The following L2HGDH variants were observed in gnomAD, a reference collection of about 807,000 sequenced individuals.
L2HGDH encodes the protein L-2-hydroxyglutarate dehydrogenase.
L2HGDH carries 34 observed loss-of-function variants against 51.5 expected under a neutral mutation model. The observed-to-expected ratio is 0.66, with a 90% CI of 0.50 to 0.88. The LOEUF is 0.88. Ranked by LOEUF, L2HGDH falls within the 40% of genes least tolerant of loss-of-function variation. The pLI, the probability that L2HGDH is intolerant of heterozygous loss-of-function variation, is 0.00. For missense variants in L2HGDH, 558 were observed against 571.9 expected (o/e 0.98, Z 0.25); for synonymous variants, 198 against 197.9 (o/e 1.00, Z -0.01).
chr14:50,242,589 G>T lies in L2HGDH; in HGVS notation c.*4469C>A, dbSNP rs1189611990. On this transcript the variant is annotated 3_prime_UTR_variant, in exon 10 of 10. Transcript: ENST00000267436. ...TATCAACACTGTTCTTCCCTTCAGG[G>T]CTTCAGGGTTTATTTCCATTCTTAA... The T allele has an allele frequency of 3.0e-6, 3 of 984,264 alleles. No individual in the cohort carries two copies. The Admixed American group carries it at 1.8e-4, about 61-fold the overall frequency. The allele number at this position is 984,264 out of a possible 1,614,324, so 61.0% of individuals were successfully genotyped here.
At chr14:50,296,858 T>C (rs1595137452) in intron 3 of L2HGDH, among the ~76,000 whole-genome samples, 1 of 152,126 alleles carries the variant, frequency 6.6e-6, no homozygotes, top group African/African-American at 2.4e-5. Flanking sequence ...AAAATATTAA[T>C]GCAAAACCCT....
chr14:50,281,198 G>A (rs1289493877), intron 5 of L2HGDH, among the ~76,000 whole-genome samples: 1 of 152,136 alleles, frequency 6.6e-6, no homozygotes, highest in East Asian at 1.9e-4. Context: ...GTAAAGTCTA[G>A]CACACTGGAA....
chr14:50,308,771 AGAAAT>A (rs1566543972), intron 1 of L2HGDH, among the ~76,000 whole-genome samples: 1 of 152,244 alleles, frequency 6.6e-6, no homozygotes, highest in Non-Finnish European at 1.5e-5. Flanking sequence ...TTTATTCCAG[AGAAAT>A]GAAACTTATG....
chr14:50,284,953 A>G (rs1297623200), intron 4 of L2HGDH, among the ~76,000 whole-genome samples: 1 of 152,122 alleles, frequency 6.6e-6, no homozygotes, highest in Non-Finnish European at 1.5e-5. Context: ...CCCTTAGAAG[A>G]TTTTCATTTT....
chr14:50,247,404 C>G lies in L2HGDH; in HGVS notation c.1197-151G>C. On this transcript the variant is annotated intron_variant, in intron 9 of 9. Transcript: ENST00000267436. ...GAGTTTATGTTTAACCAAAGGCTGT[C>G]AGTTGTAGCCTGTCAAACCTATATT... 3 of 1,251,498 alleles carry G rather than the reference C, an allele frequency of 2.4e-6. No individual in the cohort carries two copies. The South Asian group carries it at 4.5e-5, about 19-fold the overall frequency. 77.5% of individuals were successfully genotyped at this position (1,251,498 alleles called of 1,614,324 possible).
intron 9 of L2HGDH, among the ~76,000 whole-genome samples, chr14:50,258,092 AAAAG>A (rs1888783621): frequency 6.6e-6 from 1 of 151,784 alleles, no homozygotes; most frequent in African/African-American, 2.4e-5. Flanking sequence ...AAAAAAAAGA[AAAAG>A]AAAGAAAACC....
intron 2 of L2HGDH, among the ~76,000 whole-genome samples, chr14:50,302,552 A>G (rs2030473492): frequency 6.6e-6 from 1 of 152,182 alleles, no homozygotes; most frequent in Non-Finnish European, 1.5e-5. Flanking sequence ...AGTGAGCACA[A>G]TCCTGGGAAA....
At chr14:50,268,050 C>T in intron 7 of L2HGDH, 140 bp from the exon 8 acceptor site, 1 of 858,104 alleles carries the variant, frequency 1.2e-6, no homozygotes, top group Non-Finnish European at 1.9e-6. Context: ...TATACTTTTC[C>T]ATTAACATGC....
chr14:50,298,447 C>T (rs942606873), intron 3 of L2HGDH, among the ~76,000 whole-genome samples: 3 of 151,946 alleles, frequency 2.0e-5, no homozygotes, highest in Non-Finnish European at 2.9e-5. Context: ...TCCCAAGTAG[C>T]TGGGATTACA....
At chr14:50,288,711 G>A (rs1890702088) in intron 4 of L2HGDH, among the ~76,000 whole-genome samples, 2 of 152,194 alleles carry the variant, frequency 1.3e-5, no homozygotes, top group African/African-American at 4.8e-5. Context: ...GATTACAGGC[G>A]TGAGCCACTG....
At chr14:50,278,409 C>CT in intron 6 of L2HGDH, 111 bp downstream of exon 6, 1 of 748,408 alleles carries the variant, frequency 1.3e-6, no homozygotes, top group Non-Finnish European at 2.3e-6. Flanking sequence ...CTCAGAATTA[C>CT]ATTAGACAAA....
chr14:50,290,765 G>A (rs1595126622), intron 4 of L2HGDH, among the ~76,000 whole-genome samples: 1 of 152,170 alleles, frequency 6.6e-6, no homozygotes, highest in East Asian at 1.9e-4. Context: ...CCGGGTTCAA[G>A]CAATTCTCCT....
Position 50,245,740 on chromosome 14 carries a change from A to G in L2HGDH, c.*1318T>C. ...GCTAAAAAATTGATTTAAGGAAATAATCTATTTTTATGCCATCTTTCTCCA... is the reference window on the plus strand; with the variant it reads ...GCTAAAAAATTGATTTAAGGAAATAGTCTATTTTTATGCCATCTTTCTCCA... On this transcript the variant is annotated 3_prime_UTR_variant, in exon 10 of 10. Transcript: ENST00000267436. 1 of 985,356 alleles carries G rather than the reference A, an allele frequency of 1.0e-6. No individual in the cohort carries two copies. The highest frequency in any genetic ancestry group is 1.2e-6 in the Non-Finnish European group (1 of 829,852). The allele number at this position is 985,356 out of a possible 1,614,324, so 61.0% of individuals were successfully genotyped here.
intron 1 of L2HGDH, among the ~76,000 whole-genome samples, chr14:50,310,666 T>C (rs2031060523): frequency 6.6e-6 from 1 of 152,064 alleles, no homozygotes; most frequent in African/African-American, 2.4e-5. Flanking sequence ...ATTGTGCCAC[T>C]GCACTCCAGC....
chr14:50,301,678 G>A (rs2030415201), intron 3 of L2HGDH, among the ~76,000 whole-genome samples: 1 of 152,158 alleles, frequency 6.6e-6, no homozygotes, highest in East Asian at 1.9e-4. Context: ...AGGTAGAAAT[G>A]GGAAGTGACT....
chr14:50,254,080 T>TC (rs36096436), intron 9 of L2HGDH, among the ~76,000 whole-genome samples: 1 of 151,288 alleles, frequency 6.6e-6, no homozygotes, highest in South Asian at 2.1e-4. Flanking sequence ...AATGGATACC[T>TC]CCCCCCAAAA....
At chr14:50,287,533 T>G (rs1890625274) in intron 4 of L2HGDH, among the ~76,000 whole-genome samples, 1 of 152,054 alleles carries the variant, frequency 6.6e-6, no homozygotes, top group Non-Finnish European at 1.5e-5. Context: ...AAATAAAAAT[T>G]AAAAGGTTTT....
At chr14:50,281,839 T>A (rs1890289492) in intron 5 of L2HGDH, among the ~76,000 whole-genome samples, 5 of 152,126 alleles carry the variant, frequency 3.3e-5, no homozygotes, top group African/African-American at 1.2e-4. Context: ...AGATACTTTT[T>A]ATTTTTTTTG....
intron 3 of L2HGDH, among the ~76,000 whole-genome samples, chr14:50,296,249 C>A (rs1345699871): frequency 3.3e-5 from 5 of 151,298 alleles, no homozygotes; most frequent in African/African-American, 1.2e-4. Context: ...TGGTGTGCAC[C>A]TGTAGTCCCA....
Sources: allele counts gnomAD v4.1 joint callset (sites outside exome capture counted in the v4.1 genomes callset), GRCh38; gene constraint gnomAD v4.1.1; transcripts MANE v1.5; gene names NCBI Gene and HGNC (gene_info 2026-07-23, HGNC 2026-07-21).